The following IL7 variants were observed in gnomAD, a reference collection of about 807,000 sequenced individuals.
IL7 encodes the protein interleukin 7, also known as interleukin-7.
A neutral mutation model predicts 21.6 loss-of-function variants in IL7; 3 were observed. That is an observed-to-expected ratio of 0.14 (90% CI 0.06 to 0.36). The LOEUF is 0.36. IL7 is among the 10% of genes least tolerant of loss of function. The probability of loss-of-function intolerance (pLI) is 1.00; values close to 1 mark genes in which losing one functional copy is unlikely to be tolerated. For synonymous variants in IL7, 62 were observed against 68.1 expected (o/e 0.91, Z 0.44); for missense variants, 175 against 200.2 (o/e 0.87, Z 0.76).
At chr8:78,675,329 G>C (rs1170331349), downstream of IL7, among the ~76,000 whole-genome samples, 1 of 151,758 alleles carries the variant, frequency 6.6e-6, no homozygotes, top group Non-Finnish European at 1.5e-5. Flanking sequence ...CTATTGTTTG[G>C]TGGTAAACAG....
At position 78,805,122 on chromosome 8, in the gene IL7, C is replaced by A. The variant is rs1586126800; in HGVS notation, c.-200G>T. ...ATCCCAAGGGGGGCGGCACACACTA[C>A]GGCGTGGCTCTGCGCTTTGCCTTTT... On this transcript the variant is annotated 5_prime_UTR_variant, in exon 1 of 6. Transcript: ENST00000263851. The A allele has an allele frequency of 3.6e-6, 2 of 554,840 alleles. No individual in the cohort carries two copies. The highest frequency in any genetic ancestry group is 3.3e-5 in the East Asian group (1 of 30,762). The allele number at this position is 554,840 out of a possible 1,614,324, so 34.4% of individuals were successfully genotyped here.
intron 2 of IL7, among the ~76,000 whole-genome samples, chr8:78,767,162 A>G (rs1361015095): frequency 6.6e-6 from 1 of 151,990 alleles, no homozygotes; most frequent in Non-Finnish European, 1.5e-5. Flanking sequence ...GGGATTAAAA[A>G]AATTTTTGAT....
chr8:78,715,613 T>C (rs1253515734), downstream of IL7, among the ~76,000 whole-genome samples: 1 of 152,166 alleles, frequency 6.6e-6, no homozygotes, highest in Non-Finnish European at 1.5e-5. Context: ...GTTCCAAACT[T>C]CATGGATGAC....
intron 2 of IL7, among the ~76,000 whole-genome samples, chr8:78,773,556 T>G (rs1813034673): frequency 6.6e-6 from 1 of 152,012 alleles, no homozygotes; most frequent in Non-Finnish European, 1.5e-5. Flanking sequence ...CCAATTTGGT[T>G]GTGGTGCTGG....
intron 4 of IL7, among the ~76,000 whole-genome samples, chr8:78,681,833 T>C (rs889975518): frequency 2.6e-5 from 4 of 152,150 alleles, no homozygotes; most frequent in Middle Eastern, 3.4e-3. Context: ...TATCTTCTTG[T>C]CTTTTTCATA....
chr8:78,760,498 A>G (rs1812515765), intron 2 of IL7: 3 of 1,539,292 alleles, frequency 1.9e-6, no homozygotes, highest in Non-Finnish European at 2.6e-6. Context: ...TTCCCCAACA[A>G]TGAAGCTCAG....
chr8:78,736,068 A>T (rs1188163741), intron 5 of IL7, among the ~76,000 whole-genome samples: 1 of 151,182 alleles, frequency 6.6e-6, no homozygotes, highest in Non-Finnish European at 1.5e-5. Flanking sequence ...TAAAAGAGGT[A>T]TATATAAGAT....
chr8:78,682,576 G>A (rs771807280), intron 4 of IL7, among the ~76,000 whole-genome samples: 1 of 152,072 alleles, frequency 6.6e-6, no homozygotes, highest in Non-Finnish European at 1.5e-5. Flanking sequence ...ACCTCCCAAT[G>A]GGTTCCTCCC....
At chr8:78,698,833 A>G (rs972360477) in intron 3 of IL7, among the ~76,000 whole-genome samples, 1 of 152,208 alleles carries the variant, frequency 6.6e-6, no homozygotes, top group Non-Finnish European at 1.5e-5. Context: ...ACTATGTATC[A>G]GGCACTGTGC....
chr8:78,688,350 A>G (rs946894584), intron 3 of IL7, among the ~76,000 whole-genome samples: 2 of 152,118 alleles, frequency 1.3e-5, no homozygotes, highest in African/African-American at 2.4e-5. Context: ...TGGGCCTGAC[A>G]AAAACAGCTT....
At chr8:78,753,029 A>G (rs933883611) in intron 2 of IL7, among the ~76,000 whole-genome samples, 4 of 152,132 alleles carry the variant, frequency 2.6e-5, no homozygotes, top group African/African-American at 9.7e-5. Flanking sequence ...AGTCTTTGCT[A>G]TTGTGAATAG....
downstream of IL7, among the ~76,000 whole-genome samples, chr8:78,714,129 A>G (rs1000202661): frequency 3.3e-5 from 5 of 152,128 alleles, no homozygotes; most frequent in African/African-American, 1.2e-4. Context: ...TGAAATTTAA[A>G]GATTTGATTA....
chr8:78,694,351 T>C (rs1427070963), intron 3 of IL7, among the ~76,000 whole-genome samples: 2 of 152,042 alleles, frequency 1.3e-5, no homozygotes, highest in African/African-American at 4.8e-5. Context: ...TGACCTTTGC[T>C]GCTTGTTACA....
chr8:78,739,669 T>A (rs1811712788), intron 3 of IL7, among the ~76,000 whole-genome samples: 1 of 144,828 alleles, frequency 6.9e-6, no homozygotes, highest in Non-Finnish European at 1.5e-5. Flanking sequence ...TCCAGCCTGG[T>A]GACAGAGCGA....
rs115481302 is a variant in IL7 at position 78,782,037 on chromosome 8, T to C, written c.147+16035A>G. On this transcript the variant is annotated intron_variant, in intron 2 of 5. Coordinates refer to ENST00000263851, the MANE Select transcript of IL7 (RefSeq NM_000880.4). ...TGATACCTGTGGTTGCATTGGGAAG[T>C]TCTTGTGTTGTATTTTTCAGCTCCA... Among the ~76,000 whole-genome samples the C allele has an allele frequency of 6.5e-3, 990 of 152,284 alleles. 12 individuals are homozygous for C. The highest frequency in any genetic ancestry group is 0.022 in the African/African-American group (908 of 41,560).
intron 3 of IL7, among the ~76,000 whole-genome samples, chr8:78,691,857 G>A (rs548170412): frequency 1.6e-4 from 24 of 152,082 alleles, no homozygotes; most frequent in Non-Finnish European, 3.2e-4. Context: ...CAGTACTCTT[G>A]ATGTGTATTG....
chr8:78,761,342 C>T (rs1261584655), intron 2 of IL7: 6 of 1,611,580 alleles, frequency 3.7e-6, no homozygotes, highest in Non-Finnish European at 5.1e-6. Context: ...ATTTAAGGCA[C>T]AGAAAGAGCA....
At chr8:78,770,763 A>G (rs1258622984) in intron 2 of IL7, among the ~76,000 whole-genome samples, 1 of 151,972 alleles carries the variant, frequency 6.6e-6, no homozygotes, top group East Asian at 1.9e-4. Context: ...AGATACACAA[A>G]TTATTTCCTT....
chr8:78,752,944 A>G (rs1266133708), intron 2 of IL7, among the ~76,000 whole-genome samples: 1 of 152,134 alleles, frequency 6.6e-6, no homozygotes, highest in Non-Finnish European at 1.5e-5. Flanking sequence ...TTATGGCTGT[A>G]TAGTATTCCA....
Sources: allele counts gnomAD v4.1 joint callset (sites outside exome capture counted in the v4.1 genomes callset), GRCh38; gene constraint gnomAD v4.1.1; transcripts MANE v1.5; gene names NCBI Gene and HGNC (gene_info 2026-07-23, HGNC 2026-07-21).